The following FAM13A variants were observed in gnomAD, a reference collection of about 807,000 sequenced individuals.
FAM13A encodes the protein protein FAM13A.
FAM13A carries 76 observed loss-of-function variants against 129.6 expected under a neutral mutation model. The ratio of observed to expected loss-of-function variants is 0.59; its 90% CI spans 0.49 to 0.71. The LOEUF (loss-of-function observed/expected upper bound fraction) is 0.71, where lower values mean the gene tolerates loss of function less well. FAM13A is among the 30% of genes least tolerant of loss of function. The pLI, the probability that FAM13A is intolerant of heterozygous loss-of-function variation, is 0.00. For missense variants in FAM13A, 1,108 were observed against 1,249.3 expected, an observed-to-expected ratio of 0.89 and a Z score of 1.70; for synonymous variants, 443 against 449.9, an observed-to-expected ratio of 0.98 and a Z score of 0.20.
At chr4:88,853,191 G>A (rs1273719983) in intron 6 of FAM13A, among the ~76,000 whole-genome samples, 1 of 152,148 alleles carries the variant, frequency 6.6e-6, no homozygotes, top group African/African-American at 2.4e-5. Flanking sequence ...AAACACTTCT[G>A]TAGTCCATAT....
rs115106206 is a variant in FAM13A, at chr4:88,864,362, G to A, written c.844-13179C>T. ...CTCTAAATAAAACCTTTCTTTCAGAGTTATTAAATCAAGATGATTGCTAGC... is the reference window on the plus strand; with the variant it reads ...CTCTAAATAAAACCTTTCTTTCAGAATTATTAAATCAAGATGATTGCTAGC... On this transcript the variant is annotated intron_variant, in intron 6 of 23. Transcript: ENST00000264344. Among the ~76,000 whole-genome samples the A allele has an allele frequency of 1.6e-3, 239 of 152,266 alleles. 2 individuals carry two copies. Among genetic ancestry groups the A allele is most frequent in the African/African-American group, 5.6e-3 (233 of 41,546 alleles).
chr4:88,835,241 G>C (rs1431665541), intron 7 of FAM13A, among the ~76,000 whole-genome samples: 1 of 152,074 alleles, frequency 6.6e-6, no homozygotes, highest in Non-Finnish European at 1.5e-5. Flanking sequence ...CTTTCTCCTA[G>C]CCTGGAATAT....
chr4:88,773,038 G>T (rs1720995659), intron 11 of FAM13A, among the ~76,000 whole-genome samples: 1 of 152,144 alleles, frequency 6.6e-6, no homozygotes, highest in Admixed American at 6.5e-5. Context: ...AGGAGGCAGT[G>T]GGGGAAAGCT....
At chr4:88,973,201 A>G (rs1274569188) in intron 4 of FAM13A, among the ~76,000 whole-genome samples, 1 of 145,690 alleles carries the variant, frequency 6.9e-6, no homozygotes, top group Non-Finnish European at 1.5e-5. Context: ...TGGTTTAGTG[A>G]ATGGAAATTC....
At chr4:88,989,390 C>A (rs1762667667) in intron 4 of FAM13A, among the ~76,000 whole-genome samples, 1 of 150,430 alleles carries the variant, frequency 6.6e-6, no homozygotes, top group Admixed American at 6.6e-5. Flanking sequence ...TTGCTTGAGC[C>A]CAGGAGTTTG....
At chr4:88,823,213 G>A (rs1453367173) in intron 7 of FAM13A, 5 of 1,415,898 alleles carry the variant, frequency 3.5e-6, no homozygotes, top group Middle Eastern at 2.2e-4. Flanking sequence ...CTATTTTATC[G>A]GCTGCTTCTC....
chr4:88,893,339 T>C (rs1436004018), intron 6 of FAM13A, among the ~76,000 whole-genome samples: 1 of 151,924 alleles, frequency 6.6e-6, no homozygotes, highest in East Asian at 1.9e-4. Context: ...TAAGAAACAG[T>C]TCAGGCTGGG....
intron 3 of FAM13A, among the ~76,000 whole-genome samples, chr4:89,014,077 G>T (rs1005301688): frequency 1.3e-5 from 2 of 152,150 alleles, no homozygotes; most frequent in African/African-American, 4.8e-5. Flanking sequence ...AGCCACTCAC[G>T]ACCCTGAATT....
At chr4:88,993,845 C>T (rs1163438705) in intron 3 of FAM13A, among the ~76,000 whole-genome samples, 1 of 151,998 alleles carries the variant, frequency 6.6e-6, no homozygotes, top group Non-Finnish European at 1.5e-5. Context: ...CTAAAAATAA[C>T]AAAAAGTAGC....
intron 8 of FAM13A, among the ~76,000 whole-genome samples, chr4:88,791,036 C>T (rs1399842986): frequency 6.6e-6 from 1 of 152,086 alleles, no homozygotes; most frequent in Non-Finnish European, 1.5e-5. Flanking sequence ...CCTTCCTTCT[C>T]CTCTTAGGCC....
At chr4:88,946,687 C>T (rs1378462264) in intron 4 of FAM13A, among the ~76,000 whole-genome samples, 1 of 152,004 alleles carries the variant, frequency 6.6e-6, no homozygotes, top group Non-Finnish European at 1.5e-5. Context: ...AATTCCTTGT[C>T]TGGCTCAGCT....
intron 1 of FAM13A, among the ~76,000 whole-genome samples, chr4:89,051,681 G>C (rs1391972013): frequency 6.6e-6 from 1 of 152,104 alleles, no homozygotes; most frequent in Non-Finnish European, 1.5e-5. Flanking sequence ...CTGTGAGCCT[G>C]TGAAATCAAA....
chr4:88,758,826 G>C lies in FAM13A; in HGVS notation c.1654C>G (p.Gln552Glu). Residue 552 changes from glutamine (Q) to glutamate (E), a missense_variant, in exon 14 of 24, where the codon CAG becomes GAG. This residue lies in a region of FAM13A where 529 missense variants were observed against 621.2 expected (regional missense o/e 0.85). Coordinates refer to ENST00000264344, the MANE Select transcript of FAM13A (RefSeq NM_014883.4). ...ACTTCGGAGACAAAGCTCTCCTCCTGGTCACCGGCATCTTGATTTCTCTGC... is the reference window on the plus strand; with the variant it reads ...ACTTCGGAGACAAAGCTCTCCTCCTCGTCACCGGCATCTTGATTTCTCTGC... ...KQQRNQDAGDQEESFVSEVPQ... is the reference protein window; with the variant it reads ...KQQRNQDAGDEEESFVSEVPQ... 6.2e-7 allele frequency: 1 copy of C among 1,613,972 alleles called. No individual in the cohort carries two copies. The highest frequency in any genetic ancestry group is 8.5e-7 in the Non-Finnish European group (1 of 1,179,894).
chr4:88,774,236 C>T (rs1721247870), intron 11 of FAM13A, among the ~76,000 whole-genome samples: 1 of 152,222 alleles, frequency 6.6e-6, no homozygotes, highest in African/African-American at 2.4e-5. Context: ...CCTCTTACCA[C>T]TTTCCATCCT....
chr4:89,035,044 G>A (rs1769189652), intron 1 of FAM13A, among the ~76,000 whole-genome samples: 1 of 152,138 alleles, frequency 6.6e-6, no homozygotes, highest in Non-Finnish European at 1.5e-5. Flanking sequence ...ATACAACGCA[G>A]CCATAAAAAA....
intron 4 of FAM13A, among the ~76,000 whole-genome samples, chr4:88,977,738 T>G (rs1371828212): frequency 6.6e-6 from 1 of 152,194 alleles, no homozygotes; most frequent in Non-Finnish European, 1.5e-5. Context: ...TTCTAATTAC[T>G]TTTTGTTTTG....
intron 9 of FAM13A, among the ~76,000 whole-genome samples, chr4:88,788,446 C>T (rs950738638): frequency 6.6e-6 from 1 of 152,070 alleles, no homozygotes; most frequent in Non-Finnish European, 1.5e-5. Flanking sequence ...AAAAAACTCA[C>T]CAGAACAATT....
chr4:88,920,911 C>T (rs559110515), intron 5 of FAM13A, among the ~76,000 whole-genome samples: 18 of 152,028 alleles, frequency 1.2e-4, no homozygotes, highest in Non-Finnish European at 2.4e-4. Flanking sequence ...AATGTAGAAG[C>T]CTCAGGAGCC....
At chr4:88,890,140 G>C (rs534568481) in intron 6 of FAM13A, among the ~76,000 whole-genome samples, 64 of 152,312 alleles carry the variant, frequency 4.2e-4, no homozygotes, top group Middle Eastern at 3.4e-3. Context: ...TGTCTGTCTG[G>C]TCTCCAGCTC....
Sources: gnomAD v4.1 joint callset for allele counts (sites outside exome capture counted in the v4.1 genomes callset) on GRCh38, gnomAD v4.1.1 for gene constraint, gnomAD v4.1.1 regional missense constraint, MANE v1.5 for transcripts, NCBI Gene and HGNC (gene_info 2026-07-23, HGNC 2026-07-21) for gene names.